The following IMPG1 variants were observed in gnomAD, a reference collection of about 807,000 sequenced individuals.
The protein encoded by IMPG1 is interphotoreceptor matrix proteoglycan of 150 kDa.
IMPG1 carries 85 observed loss-of-function variants against 92.0 expected under a neutral mutation model. That is an observed-to-expected ratio of 0.92 (90% CI 0.78 to 1.11). IMPG1 has a LOEUF of 1.11. Among genes scored for constraint, IMPG1 ranks in the 50% least tolerant of loss-of-function variants. IMPG1 has a pLI of 0.00. For missense variants in IMPG1, 1,022 were observed against 956.0 expected, an observed-to-expected ratio of 1.07 and a Z score of -0.91; for synonymous variants, 367 against 334.1, an observed-to-expected ratio of 1.10 and a Z score of -1.08.
intron 14 of IMPG1, among the ~76,000 whole-genome samples, chr6:75,947,052 AAACTT>A (rs1781938803): frequency 6.6e-6 from 1 of 152,206 alleles, no homozygotes; most frequent in African/African-American, 2.4e-5. Flanking sequence ...TGTTCTGATT[AAACTT>A]AAAATTAAAG....
intron 12 of IMPG1, among the ~76,000 whole-genome samples, chr6:75,967,960 C>G (rs369387605): frequency 7.2e-5 from 11 of 152,178 alleles, no homozygotes; most frequent in African/African-American, 2.6e-4. Context: ...TTCCAGCCAA[C>G]CAAAAGATAA....
intron 1 of IMPG1, among the ~76,000 whole-genome samples, chr6:76,049,020 A>G (rs892555719): frequency 2.0e-5 from 3 of 152,208 alleles, no homozygotes; most frequent in Non-Finnish European, 4.4e-5. Flanking sequence ...ATACAGCCAT[A>G]AAAAGGAATG....
At position 75,977,822 on chromosome 6, in the gene IMPG1, C is replaced by T. The variant is rs78347059; in HGVS notation, c.1291+25096G>A. Among the ~76,000 whole-genome samples the T allele has an allele frequency of 6.0e-3, 906 of 151,496 alleles. 8 individuals are homozygous for T. Among genetic ancestry groups the T allele is most frequent in the African/African-American group, 0.021 (854 of 41,474 alleles). On this transcript the variant is annotated intron_variant, in intron 12 of 16. Coordinates refer to ENST00000369950, the MANE Select transcript of IMPG1 (RefSeq NM_001563.4). Reference sequence around the variant, plus strand: ...ATCTGAAGTGACTTCATGGTACACTCATTAAATGTGATACCTTAGCTACAA... The same window carrying T: ...ATCTGAAGTGACTTCATGGTACACTTATTAAATGTGATACCTTAGCTACAA...
At chr6:75,925,326 T>G (rs1185056038) in intron 15 of IMPG1, among the ~76,000 whole-genome samples, 1 of 152,140 alleles carries the variant, frequency 6.6e-6, no homozygotes, top group Non-Finnish European at 1.5e-5. Flanking sequence ...TATATGCATT[T>G]TGCATTTTGT....
intron 14 of IMPG1, among the ~76,000 whole-genome samples, chr6:75,945,892 G>A (rs1200955124): frequency 1.3e-5 from 2 of 152,168 alleles, no homozygotes; most frequent in Non-Finnish European, 2.9e-5. Context: ...GTTATCCCTT[G>A]CCTCAACTTG....
intron 1 of IMPG1, among the ~76,000 whole-genome samples, chr6:76,070,604 G>A (rs987740797): frequency 2.6e-5 from 4 of 152,014 alleles, no homozygotes; most frequent in Non-Finnish European, 4.4e-5. Context: ...AGAAAATATC[G>A]TTATATATTA....
intron 14 of IMPG1, among the ~76,000 whole-genome samples, chr6:75,935,449 T>A (rs1781729322): frequency 6.6e-6 from 1 of 152,148 alleles, no homozygotes; most frequent in South Asian, 2.1e-4. Context: ...CTGAACAAAG[T>A]GACAGATTTT....
chr6:75,925,074 G>T (rs1320104611), intron 15 of IMPG1, among the ~76,000 whole-genome samples: 1 of 151,740 alleles, frequency 6.6e-6, no homozygotes, highest in Non-Finnish European at 1.5e-5. Flanking sequence ...TAGGATGACT[G>T]TAGTTGTATA....
At chr6:76,054,507 G>T (rs1784089792) in intron 1 of IMPG1, among the ~76,000 whole-genome samples, 2 of 152,074 alleles carry the variant, frequency 1.3e-5, no homozygotes, top group Non-Finnish European at 2.9e-5. Flanking sequence ...GTTTTAAGAG[G>T]CATATTTAAA....
intron 12 of IMPG1, among the ~76,000 whole-genome samples, chr6:75,964,096 G>A (rs977578067): frequency 6.6e-6 from 1 of 152,164 alleles, no homozygotes; most frequent in Non-Finnish European, 1.5e-5. Context: ...AATCTAGAGG[G>A]CCACTTTAAT....
At chr6:75,956,107 C>T (rs1395597108) in intron 12 of IMPG1, among the ~76,000 whole-genome samples, 1 of 152,076 alleles carries the variant, frequency 6.6e-6, no homozygotes, top group East Asian at 1.9e-4. Context: ...TGATGCTAGC[C>T]TCATAAAATG....
chr6:75,976,156 T>C (rs748648028), intron 12 of IMPG1, among the ~76,000 whole-genome samples: 2 of 152,208 alleles, frequency 1.3e-5, no homozygotes, highest in Non-Finnish European at 1.5e-5. Context: ...CTTCAATATG[T>C]GTTCATTTTA....
At chr6:75,947,599 T>A (rs1781950518) in intron 13 of IMPG1, 66 bp from the exon 14 acceptor site, 6 of 1,062,714 alleles carry the variant, frequency 5.6e-6, no homozygotes, top group Non-Finnish European at 8.4e-6. Flanking sequence ...TAATTCCACT[T>A]ACACTCACTT....
intron 7 of IMPG1, among the ~76,000 whole-genome samples, chr6:76,014,237 G>T (rs886736376): frequency 2.0e-5 from 3 of 152,188 alleles, no homozygotes; most frequent in African/African-American, 4.8e-5. Flanking sequence ...CTGCTGGATT[G>T]CCAGCTCCTG....
chr6:75,922,554 A>G (rs191633891), intron 16 of IMPG1, among the ~76,000 whole-genome samples: 8 of 152,288 alleles, frequency 5.3e-5, no homozygotes, highest in Non-Finnish European at 7.4e-5. Flanking sequence ...ATCAGCATTG[A>G]TACTTGTTCT....
chr6:76,068,536 A>C (rs1582142583), intron 1 of IMPG1, among the ~76,000 whole-genome samples: 1 of 115,626 alleles, frequency 8.6e-6, no homozygotes, highest in African/African-American at 3.4e-5. Context: ...TTTTTTGGAG[A>C]CAGAGTCTTT....
chr6:75,935,129 C>A, intron 14 of IMPG1: 1 of 428,780 alleles, frequency 2.3e-6, no homozygotes, highest in Non-Finnish European at 4.9e-6. Flanking sequence ...CAAGAGTAGA[C>A]TTCGGGAATG....
At chr6:76,002,833 T>C (rs1783019842) in intron 12 of IMPG1, 85 bp downstream of exon 12, 10 of 1,051,526 alleles carry the variant, frequency 9.5e-6, no homozygotes, top group Non-Finnish European at 1.5e-5. Flanking sequence ...GATGGCTTTG[T>C]CACTGGTCTT....
intron 12 of IMPG1, among the ~76,000 whole-genome samples, chr6:75,985,172 T>A (rs1782692807): frequency 6.6e-6 from 1 of 152,238 alleles, no homozygotes. Context: ...TTCCTGATAT[T>A]TGTGATTTTG....
Sources: allele counts gnomAD v4.1 joint callset (sites outside exome capture counted in the v4.1 genomes callset), GRCh38; gene constraint gnomAD v4.1.1; transcripts MANE v1.5; gene names NCBI Gene and HGNC (gene_info 2026-07-23, HGNC 2026-07-21).